NOS1AP: variants seen among roughly 807,000 people sequenced by gnomAD.
The protein encoded by NOS1AP is carboxyl-terminal PDZ ligand of neuronal nitric oxide synthase protein.
A neutral mutation model predicts 56.2 loss-of-function variants in NOS1AP; 21 were observed. That is an observed-to-expected ratio of 0.37 (90% CI 0.26 to 0.54). The LOEUF (loss-of-function observed/expected upper bound fraction) is 0.54. Ranked by LOEUF, NOS1AP falls within the 20% of genes least tolerant of loss-of-function variation. NOS1AP has a pLI of 0.84. For missense variants in NOS1AP, 522 were observed against 657.8 expected (o/e 0.79, Z 2.26); for synonymous variants, 270 against 274.6 (o/e 0.98, Z 0.17).
At chr1:162,318,765 T>C (rs957575244) in intron 4 of NOS1AP, among the ~76,000 whole-genome samples, 2 of 152,134 alleles carry the variant, frequency 1.3e-5, no homozygotes, top group African/African-American at 2.4e-5. Flanking sequence ...TTATTTCCAA[T>C]TGCCTCTTAG....
chr1:162,289,973 A>G (rs1655236647), intron 3 of NOS1AP, among the ~76,000 whole-genome samples: 1 of 152,220 alleles, frequency 6.6e-6, no homozygotes, highest in African/African-American at 2.4e-5. Flanking sequence ...CCCATTGTGC[A>G]TGTGAGAAAA....
chr1:162,190,365 T>A (rs1571113330), intron 2 of NOS1AP, among the ~76,000 whole-genome samples: 1 of 149,664 alleles, frequency 6.7e-6, no homozygotes, highest in African/African-American at 2.5e-5. Context: ...TTAAATTTTA[T>A]TTTATTTTAT....
intron 2 of NOS1AP, among the ~76,000 whole-genome samples, chr1:162,268,482 G>A (rs545447245): frequency 3.0e-4 from 46 of 152,202 alleles, no homozygotes; most frequent in African/African-American, 1.1e-3. Flanking sequence ...GAAGCCTTGT[G>A]GGCAACAAGC....
At chr1:162,086,837 T>C (rs1274945839) in intron 1 of NOS1AP, among the ~76,000 whole-genome samples, 4 of 152,184 alleles carry the variant, frequency 2.6e-5, no homozygotes, top group Admixed American at 6.5e-5. Context: ...GGTCTCATTT[T>C]TCTTTTACTA....
rs554345755 is a variant in NOS1AP at position 162,321,908 on chromosome 1, G to A, written c.345-11109G>A. On this transcript the variant is annotated intron_variant, in intron 4 of 9. Transcript: ENST00000361897. ...ACAACAGACACTGGGGACTCCAAAA[G>A]GGAAGAGGGAGAAGGGGGGACAAGG... Among the ~76,000 whole-genome samples, 3 of 100,480 alleles carry A rather than the reference G, an allele frequency of 3.0e-5. No homozygotes were observed. In the East Asian group the frequency reaches 7.1e-4, roughly 24 times the overall value. 65.9% of individuals were successfully genotyped at this position (100,480 alleles called of 152,430 possible). A position where few individuals can be genotyped will look rare whatever the true frequency, so the allele number is the denominator to read the frequency against.
At chr1:162,104,911 C>A (rs1647437416) in intron 1 of NOS1AP, among the ~76,000 whole-genome samples, 2 of 152,192 alleles carry the variant, frequency 1.3e-5, no homozygotes, top group African/African-American at 4.8e-5. Context: ...TCTGTCAGCT[C>A]AGGCATCTCA....
chr1:162,334,456 G>A (rs765749841), intron 5 of NOS1AP, among the ~76,000 whole-genome samples: 11 of 152,178 alleles, frequency 7.2e-5, no homozygotes, highest in Non-Finnish European at 1.5e-4. Context: ...AGCCATAGGC[G>A]CTGGAGATGA....
intron 2 of NOS1AP, among the ~76,000 whole-genome samples, chr1:162,208,431 A>G (rs1652238105): frequency 1.3e-5 from 2 of 152,132 alleles, no homozygotes; most frequent in African/African-American, 4.8e-5. Flanking sequence ...CTCAATAAAT[A>G]TTGAATTGGA....
intron 4 of NOS1AP, among the ~76,000 whole-genome samples, chr1:162,313,341 G>A (rs529071661): frequency 3.3e-5 from 5 of 152,268 alleles, no homozygotes; most frequent in Admixed American, 6.5e-5. Context: ...GAAAGTGTCC[G>A]TTTTCTTTCT....
chr1:162,110,065 G>A (rs1009591042), intron 1 of NOS1AP, among the ~76,000 whole-genome samples: 5 of 152,142 alleles, frequency 3.3e-5, no homozygotes, highest in Non-Finnish European at 7.3e-5. Flanking sequence ...ACCTCCCCAT[G>A]TCACTTGGCC....
At chr1:162,124,144 T>C (rs2102055367) in intron 1 of NOS1AP, among the ~76,000 whole-genome samples, 1 of 152,318 alleles carries the variant, frequency 6.6e-6, no homozygotes, top group African/African-American at 2.4e-5. Flanking sequence ...TAAATTTCAG[T>C]AGCTTTAGGG....
At chr1:162,304,841 T>C (rs1655770578) in intron 4 of NOS1AP, among the ~76,000 whole-genome samples, 1 of 151,332 alleles carries the variant, frequency 6.6e-6, no homozygotes, top group Non-Finnish European at 1.5e-5. Flanking sequence ...ATATATATGG[T>C]CCATTTTATC....
chr1:162,354,805 A>G lies in NOS1AP; in HGVS notation c.596-382A>G, dbSNP rs190229238. ...TGTCCAGCAGTTTATTGGAGGCCCA[A>G]CCTCCTCATTTCTGGACCCCCGGGC... On this transcript the variant is annotated intron_variant, in intron 6 of 9. Transcript: ENST00000361897. 3.5e-3 allele frequency among the ~76,000 whole-genome samples: 532 copies of G among 152,080 alleles called. 3 individuals are homozygous for G. Among genetic ancestry groups the G allele is most frequent in the Non-Finnish European group, 6.3e-3 (430 of 67,970 alleles).
chr1:162,204,708 C>T (rs1219122889), intron 2 of NOS1AP, among the ~76,000 whole-genome samples: 4 of 152,270 alleles, frequency 2.6e-5, no homozygotes, highest in East Asian at 1.9e-4. Context: ...CAGCTGTTTG[C>T]GTAGTTTTCA....
At chr1:162,335,935 T>C (rs992314744) in intron 5 of NOS1AP, among the ~76,000 whole-genome samples, 1 of 152,180 alleles carries the variant, frequency 6.6e-6, no homozygotes, top group African/African-American at 2.4e-5. Context: ...CAGCTATTAC[T>C]CTGTACCTAT....
chr1:162,082,213 T>C (rs574577807), intron 1 of NOS1AP, among the ~76,000 whole-genome samples: 14 of 152,172 alleles, frequency 9.2e-5, no homozygotes, highest in African/African-American at 3.4e-4. Flanking sequence ...GTTCCTGCAT[T>C]AGTTTGCTAA....
chr1:162,306,291 C>T (rs1035638717), intron 4 of NOS1AP, among the ~76,000 whole-genome samples: 7 of 152,246 alleles, frequency 4.6e-5, no homozygotes, highest in Middle Eastern at 3.4e-3. Context: ...TGGGCCTGAG[C>T]TGACTGTTGT....
At chr1:162,221,231 G>C (rs779150210) in intron 2 of NOS1AP, among the ~76,000 whole-genome samples, 1 of 152,144 alleles carries the variant, frequency 6.6e-6, no homozygotes, top group Non-Finnish European at 1.5e-5. Flanking sequence ...GAGCCACCGC[G>C]CCCAGCCCAC....
chr1:162,258,776 T>C (rs1456836006), intron 2 of NOS1AP, among the ~76,000 whole-genome samples: 4 of 152,150 alleles, frequency 2.6e-5, no homozygotes, highest in Non-Finnish European at 5.9e-5. Flanking sequence ...CACAAACCAG[T>C]CTAACACTGG....
Sources: allele counts gnomAD v4.1 joint callset (sites outside exome capture counted in the v4.1 genomes callset), GRCh38; gene constraint gnomAD v4.1.1; transcripts MANE v1.5; gene names NCBI Gene and HGNC (gene_info 2026-07-23, HGNC 2026-07-21).